LAMA2: variants seen among roughly 807,000 people sequenced by gnomAD.
The protein encoded by LAMA2 is laminin subunit alpha-2.
Under a neutral mutation model 364.8 loss-of-function variants are expected in LAMA2, and 269 were observed. The ratio of observed to expected loss-of-function variants is 0.74; its 90% CI spans 0.67 to 0.82. LAMA2 has a LOEUF of 0.82. LAMA2 is among the 40% of genes least tolerant of loss of function. LAMA2 has a pLI of 0.00. For synonymous variants in LAMA2, 1,379 were observed against 1,370.6 expected (o/e 1.01, Z -0.14); for missense variants, 3,807 against 3,873.2 (o/e 0.98, Z 0.45).
At chr6:129,493,265 A>G (rs1372346992) in intron 58 of LAMA2, among the ~76,000 whole-genome samples, 1 of 152,186 alleles carries the variant, frequency 6.6e-6, no homozygotes, top group Non-Finnish European at 1.5e-5. Flanking sequence ...ACACACAACT[A>G]TTTTATAGTA....
chr6:129,475,569 C>A (rs1784029520), intron 53 of LAMA2, among the ~76,000 whole-genome samples, 168 bp downstream of exon 53: 1 of 151,638 alleles, frequency 6.6e-6, no homozygotes, highest in African/African-American at 2.4e-5. Flanking sequence ...CTGCCCCTTG[C>A]TGGCCGACAT....
chr6:128,904,745 C>T lies in LAMA2; in HGVS notation c.112+21388C>T, dbSNP rs150749072. Reference sequence around the variant, plus strand: ...GTTCTGGGATTACAGGTGTGAACCACAGTGCCCAGCCTTCCTGCTGAGTTT... The same window carrying T: ...GTTCTGGGATTACAGGTGTGAACCATAGTGCCCAGCCTTCCTGCTGAGTTT... On this transcript the variant is annotated intron_variant, in intron 1 of 64. Coordinates refer to ENST00000421865, the MANE Select transcript of LAMA2 (RefSeq NM_000426.4). Among the ~76,000 whole-genome samples the T allele has an allele frequency of 3.1e-3, 473 of 152,216 alleles. 3 individuals are homozygous for T. The highest frequency in any genetic ancestry group is 6.9e-3 in the Middle Eastern group (2 of 290).
rs1284789542 is a variant in LAMA2, at chr6:129,315,626, A to G, written c.3706A>G (p.Lys1236Glu). ...TCTCCATTTGGAACCTTTTTATTGG[A>G]AACTTCCAGAACAATTTGAAGGAAA... The part of the protein sequence containing the change: ...EDLHLEPFYW[K>E]LPEQFEGKKL... The change falls in exon 25 of 65, where the codon AAA (lysine) becomes GAA (glutamate). Residue 1236 changes from lysine (K) to glutamate (E), a missense_variant. By Grantham distance (56) the Lys-to-Glu change is moderately conservative. Around this residue, in one of 3 missense-constraint regions of LAMA2, gnomAD observed 3,333 missense variants for 3,345.7 expected, o/e 1.00. Coordinates refer to ENST00000421865, the MANE Select transcript of LAMA2 (RefSeq NM_000426.4). 3.1e-6 allele frequency: 5 copies of G among 1,614,100 alleles called. No individual in the cohort carries two copies. Among genetic ancestry groups the G allele is most frequent in the Non-Finnish European group, 4.2e-6 (5 of 1,180,048 alleles).
At chr6:129,300,952 A>G in intron 22 of LAMA2, 80 bp downstream of exon 22, 1 of 1,198,742 alleles carries the variant, frequency 8.3e-7, no homozygotes, top group East Asian at 2.3e-5. Context: ...GGCATTTCAA[A>G]ATTCAATATT....
At position 129,315,518 on chromosome 6, in the gene LAMA2, G is replaced by A. The variant is rs1562450462; in HGVS notation, c.3598G>A (p.Glu1200Lys). 1 of 1,614,156 alleles carries A rather than the reference G, an allele frequency of 6.2e-7. No individual in the cohort carries two copies. Among genetic ancestry groups the A allele is most frequent in the Non-Finnish European group, 8.5e-7 (1 of 1,180,008 alleles). The change falls in exon 25 of 65, where the codon GAG becomes AAG. Residue 1200 changes from glutamate to lysine, a missense_variant. Glu to Lys is a moderately conservative substitution (Grantham distance 56). Coordinates refer to ENST00000421865, the MANE Select transcript of LAMA2 (RefSeq NM_000426.4). ...AEQTILPLVD[E>K]ALQHTTTKGI... is the part of the protein sequence containing the mutation. ...GCAGACCATTCTACCCCTGGTAGAT[G>A]AGGCTCTGCAGCACACGACCACCAA...
At chr6:129,461,285 T>G (rs1438221297) in intron 49 of LAMA2, among the ~76,000 whole-genome samples, 2 of 152,062 alleles carry the variant, frequency 1.3e-5, no homozygotes, top group African/African-American at 4.8e-5. Context: ...CACTTCACAT[T>G]TCTTTCTCTA....
chr6:128,953,619 GT>G (rs1562865504), intron 1 of LAMA2, among the ~76,000 whole-genome samples: 311 of 151,664 alleles, frequency 2.1e-3, no homozygotes, highest in African/African-American at 7.0e-3. Flanking sequence ...GTGTGTGTGT[GT>G]GTGTGAATGT....
At chr6:129,210,559 G>A (rs1486196914) in intron 12 of LAMA2, among the ~76,000 whole-genome samples, 3 of 152,068 alleles carry the variant, frequency 2.0e-5, no homozygotes, top group Non-Finnish European at 4.4e-5. Context: ...AGAATATTGC[G>A]TGAGGATTGA....
intron 56 of LAMA2, chr6:129,490,751 G>T (rs914705269): frequency 6.6e-6 from 1 of 151,986 alleles, no homozygotes; most frequent in African/African-American, 2.4e-5. Flanking sequence ...CCTGGGTTTT[G>T]CCAACACATT....
At chr6:129,082,371 T>C (rs1255538372) in intron 3 of LAMA2, among the ~76,000 whole-genome samples, 1 of 152,114 alleles carries the variant, frequency 6.6e-6, no homozygotes, top group Non-Finnish European at 1.5e-5. Flanking sequence ...TTAAGAATAG[T>C]ATAAATTGAC....
chr6:128,883,799 T>TACAC (rs1412639629), intron 1 of LAMA2, among the ~76,000 whole-genome samples: 30 of 135,358 alleles, frequency 2.2e-4, no homozygotes, highest in South Asian at 1.6e-3. Flanking sequence ...TATATATATA[T>TACAC]ATACACACAC....
intron 41 of LAMA2, among the ~76,000 whole-genome samples, chr6:129,432,813 C>G (rs1451357868): frequency 1.3e-5 from 2 of 152,166 alleles, no homozygotes; most frequent in African/African-American, 2.4e-5. Flanking sequence ...GCAGAGGGGA[C>G]TCCCTTTTAT....
chr6:129,314,857 T>C, intron 24 of LAMA2, 59 bp downstream of exon 24: 1 of 1,585,546 alleles, frequency 6.3e-7, no homozygotes, highest in Non-Finnish European at 8.7e-7. Context: ...CTGGTGTCTT[T>C]TAGTCAGGCA....
At chr6:129,090,853 T>C (rs1056396634) in intron 3 of LAMA2, among the ~76,000 whole-genome samples, 5 of 152,202 alleles carry the variant, frequency 3.3e-5, no homozygotes, top group African/African-American at 4.8e-5. Context: ...CACAGGTCCA[T>C]CATTTTATGG....
intron 55 of LAMA2, among the ~76,000 whole-genome samples, chr6:129,484,896 GTTA>G (rs1197421424): frequency 6.6e-6 from 1 of 152,150 alleles, no homozygotes; most frequent in Non-Finnish European, 1.5e-5. Context: ...AGGTATTCAT[GTTA>G]TTATACAGTG....
chr6:129,351,002 G>A (rs185103243), intron 31 of LAMA2, among the ~76,000 whole-genome samples: 1 of 152,110 alleles, frequency 6.6e-6, no homozygotes, highest in South Asian at 2.1e-4. Flanking sequence ...ATTTCCATTT[G>A]TTCTGAAGAT....
rs74423815 is a variant in LAMA2, at chr6:128,929,254, G to C, written c.112+45897G>C. 6 of 1,425,156 alleles carry C rather than the reference G, an allele frequency of 4.2e-6. No individual in the cohort carries two copies. In the African/African-American group the frequency reaches 8.4e-5, roughly 20 times the overall value. 88.3% of individuals were successfully genotyped at this position (1,425,156 alleles called of 1,614,324 possible). ...TCTGATTGATGTACTGTAAGAGACCGTCAATGGCTAAGTTCCCGTCATTGA... is the reference window on the plus strand; with the variant it reads ...TCTGATTGATGTACTGTAAGAGACCCTCAATGGCTAAGTTCCCGTCATTGA... On this transcript the variant is annotated intron_variant, in intron 1 of 64. Transcript: ENST00000421865.
chr6:129,491,189 A>G, intron 56 of LAMA2: 1 of 152,320 alleles, frequency 6.6e-6, no homozygotes, highest in East Asian at 1.9e-4. Flanking sequence ...TTCCGGAACA[A>G]AAGAGAAAAT....
At chr6:129,340,045 G>C (rs548858673) in intron 29 of LAMA2, among the ~76,000 whole-genome samples, 3 of 151,704 alleles carry the variant, frequency 2.0e-5, no homozygotes, top group Admixed American at 6.6e-5. Flanking sequence ...AGAAACCATG[G>C]GAAGAGAGTA....
Sources: allele counts gnomAD v4.1 joint callset (sites outside exome capture counted in the v4.1 genomes callset), GRCh38; gene constraint gnomAD v4.1.1; regional missense constraint gnomAD v4.1.1; transcripts MANE v1.5; gene names NCBI Gene and HGNC (gene_info 2026-07-23, HGNC 2026-07-21).